GAD2: variants seen among roughly 807,000 people sequenced by gnomAD.
GAD2 encodes the protein 65 kDa glutamic acid decarboxylase.
Under a neutral mutation model 80.1 loss-of-function variants are expected in GAD2, and 22 were observed. That is an observed-to-expected ratio of 0.27 (90% CI 0.20 to 0.39). GAD2 has a LOEUF of 0.39. Among genes scored for constraint, GAD2 ranks in the 10% least tolerant of loss-of-function variants. GAD2 has a pLI of 1.00. For synonymous variants in GAD2, 274 were observed against 256.9 expected, an observed-to-expected ratio of 1.07 and a Z score of -0.64; for missense variants, 624 against 738.4, an observed-to-expected ratio of 0.85 and a Z score of 1.80.
At chr10:26,249,003 C>T (rs763236155) in intron 8 of GAD2, among the ~76,000 whole-genome samples, 3 of 150,338 alleles carry the variant, frequency 2.0e-5, no homozygotes, top group Non-Finnish European at 4.5e-5. Flanking sequence ...AGCAATTAGA[C>T]AGGCATTAAG....
At chr10:26,269,906 G>T (rs1471128170) in intron 9 of GAD2, among the ~76,000 whole-genome samples, 3 of 152,136 alleles carry the variant, frequency 2.0e-5, no homozygotes, top group African/African-American at 7.2e-5. Flanking sequence ...GCAAGTACTA[G>T]AACTACTTCT....
intron 4 of GAD2, among the ~76,000 whole-genome samples, chr10:26,222,095 G>A (rs1036821544): frequency 2.0e-5 from 3 of 152,230 alleles, no homozygotes; most frequent in African/African-American, 4.8e-5. Flanking sequence ...ATCAGGGAAT[G>A]AAATTTTTGA....
At chr10:26,273,523 C>A in intron 10 of GAD2, 113 bp from the exon 11 acceptor site, 1 of 829,108 alleles carries the variant, frequency 1.2e-6, no homozygotes, top group South Asian at 1.5e-5. Flanking sequence ...AGGAGGTGGT[C>A]AACTTCCTAA....
intron 15 of GAD2, among the ~76,000 whole-genome samples, chr10:26,296,714 T>C (rs1213575089): frequency 6.6e-6 from 1 of 152,174 alleles, no homozygotes; most frequent in African/African-American, 2.4e-5. Context: ...TCTTCTTATT[T>C]TAATTTTTTT....
chr10:26,259,049 C>T (rs1312993504), intron 8 of GAD2, among the ~76,000 whole-genome samples: 2 of 152,150 alleles, frequency 1.3e-5, no homozygotes, highest in African/African-American at 4.8e-5. Flanking sequence ...AACCCCTGAC[C>T]TCAGGTGATC....
chr10:26,218,549 T>TCACACA (rs1373210337), intron 3 of GAD2, among the ~76,000 whole-genome samples: 174 of 57,372 alleles, frequency 3.0e-3, no homozygotes, highest in Middle Eastern at 0.011. Context: ...TCTCTCTCTC[T>TCACACA]CTCACACACA....
At chr10:26,296,474 G>A (rs939602456) in intron 15 of GAD2, among the ~76,000 whole-genome samples, 4 of 152,162 alleles carry the variant, frequency 2.6e-5, no homozygotes, top group Non-Finnish European at 4.4e-5. Flanking sequence ...TGGTAAACAC[G>A]AGAATCCAGT....
intron 7 of GAD2, among the ~76,000 whole-genome samples, chr10:26,244,975 A>T (rs1844786698): frequency 6.6e-6 from 1 of 152,016 alleles, no homozygotes; most frequent in Admixed American, 6.6e-5. Context: ...AACATGGTGA[A>T]ACCCTGTCTC....
intron 5 of GAD2, 59 bp from the exon 6 acceptor site, chr10:26,224,480 T>C (rs1844496382): frequency 1.0e-6 from 1 of 976,560 alleles, no homozygotes; most frequent in Non-Finnish European, 1.7e-6. Context: ...GCTATTGTAA[T>C]GATTGTAAAT....
chr10:26,295,041 TG>T (rs58143184), intron 15 of GAD2, among the ~76,000 whole-genome samples: 34,093 of 151,956 alleles, frequency 0.22, 4,172 homozygotes, highest in African/African-American at 0.32. Flanking sequence ...CCATTATCAC[TG>T]GGCTGAGGGA....
chr10:26,232,295 G>C (rs1844612632), intron 7 of GAD2, among the ~76,000 whole-genome samples: 1 of 151,990 alleles, frequency 6.6e-6, no homozygotes, highest in Non-Finnish European at 1.5e-5. Context: ...AATGAGTTTG[G>C]TCCAGCAGCA....
At chr10:26,231,588 C>G (rs8190648) in intron 7 of GAD2, among the ~76,000 whole-genome samples, 2,966 of 152,304 alleles carry the variant, frequency 0.019, 100 homozygotes, top group African/African-American at 0.068. Context: ...AAAAACCACA[C>G]AGCCTAAAAT....
intron 15 of GAD2, among the ~76,000 whole-genome samples, chr10:26,294,277 G>T (rs1834249982): frequency 6.6e-6 from 1 of 152,198 alleles, no homozygotes. Context: ...GAACACTTTA[G>T]TTCCTTCTAC....
intron 8 of GAD2, among the ~76,000 whole-genome samples, chr10:26,254,901 G>A (rs945522088): frequency 6.6e-6 from 1 of 152,238 alleles, no homozygotes; most frequent in Non-Finnish European, 1.5e-5. Flanking sequence ...TGAATGCCAG[G>A]CTTCTGGCTT....
chr10:26,265,939 C>T (rs879734821), intron 8 of GAD2, among the ~76,000 whole-genome samples: 2 of 152,212 alleles, frequency 1.3e-5, no homozygotes, highest in African/African-American at 2.4e-5. Flanking sequence ...CTGCTCACTG[C>T]CCTGCAGCCC....
chr10:26,285,589 C>T, intron 12 of GAD2, among the ~76,000 whole-genome samples: 1 of 152,152 alleles, frequency 6.6e-6, no homozygotes, highest in East Asian at 1.9e-4. Context: ...CACCCATTTC[C>T]ATAGTAAGGT....
At chr10:26,264,983 C>T (rs1845053133) in intron 8 of GAD2, among the ~76,000 whole-genome samples, 2 of 152,164 alleles carry the variant, frequency 1.3e-5, no homozygotes, top group South Asian at 4.1e-4. Context: ...GAAATACAGA[C>T]TCTCCAGTAA....
chr10:26,272,372 C>A (rs890353800), intron 10 of GAD2, among the ~76,000 whole-genome samples: 1 of 152,170 alleles, frequency 6.6e-6, no homozygotes, highest in Non-Finnish European at 1.5e-5. Context: ...TGTCCTGAGC[C>A]AGCAGAAGCT....
chr10:26,290,196 A>G (rs1834197709), intron 13 of GAD2, among the ~76,000 whole-genome samples: 1 of 152,242 alleles, frequency 6.6e-6, no homozygotes, highest in Non-Finnish European at 1.5e-5. Context: ...GATATTCAGC[A>G]TCTATTATCG....
Sources: gnomAD v4.1 joint callset for allele counts (sites outside exome capture counted in the v4.1 genomes callset) on GRCh38, gnomAD v4.1.1 for gene constraint, MANE v1.5 for transcripts, NCBI Gene and HGNC (gene_info 2026-07-23, HGNC 2026-07-21) for gene names.